PRR33: variants seen among roughly 807,000 people sequenced by gnomAD.
The protein encoded by PRR33 is proline-rich protein 33.
A neutral mutation model predicts 0.5 loss-of-function variants in PRR33; 1 was observed. The ratio of observed to expected loss-of-function variants is 2.18; its 90% confidence interval spans 0.77 to 10.34. The LOEUF is 10.34. Ranked by LOEUF, PRR33 falls within the 30% of genes most tolerant of loss-of-function variation. The pLI is 0.13. For synonymous variants in PRR33, 226 were observed against 110.0 expected, an observed-to-expected ratio of 2.06 and a Z score of -6.60; for missense variants, 552 against 251.8, an observed-to-expected ratio of 2.19 and a Z score of -8.07.
chr11:1,909,452 A>G, the PRR33 span, among the ~76,000 whole-genome samples: 1 of 151,764 alleles, frequency 6.6e-6, no homozygotes, highest in Non-Finnish European at 1.5e-5. Context: ...CTCTACTAAA[A>G]ATACAAAAAT....
At chr11:1,888,300 C>G (rs1183743110) in exon 1 of PRR33, among the ~76,000 whole-genome samples, 1 of 152,204 alleles carries the variant, frequency 6.6e-6, no homozygotes, top group Non-Finnish European at 1.5e-5. Flanking sequence ...GGCCCCTCCA[C>G]TCTCCCCACC....
chr11:1,908,447 CAA>C, the PRR33 span, among the ~76,000 whole-genome samples: 5 of 150,934 alleles, frequency 3.3e-5, no homozygotes, highest in East Asian at 9.7e-4. Context: ...TTTGTTTTTT[CAA>C]AAGTTTTTTT....
At chr11:1,917,429 A>T in the PRR33 span, among the ~76,000 whole-genome samples, 48 of 152,206 alleles carry the variant, frequency 3.2e-4, 2 homozygotes, top group East Asian at 8.7e-3. Context: ...CCAATTTCAG[A>T]ACCCCCCCAT....
the PRR33 span, among the ~76,000 whole-genome samples, chr11:1,904,620 G>T: frequency 2.0e-5 from 3 of 151,734 alleles, no homozygotes; most frequent in Admixed American, 6.6e-5. Flanking sequence ...GGCTGAGGCA[G>T]GTGGATCACT....
At chr11:1,915,033 G>A in the PRR33 span, among the ~76,000 whole-genome samples, 7 of 143,982 alleles carry the variant, frequency 4.9e-5, no homozygotes, top group South Asian at 2.3e-4. Flanking sequence ...GGGGACACAC[G>A]GATGATGTTT....
At chr11:1,914,853 C>CTGTGTGTG in the PRR33 span, among the ~76,000 whole-genome samples, 267 of 125,470 alleles carry the variant, frequency 2.1e-3, 2 homozygotes, top group East Asian at 0.015. Flanking sequence ...GGAGATGTTT[C>CTGTGTGTG]TGTGTGTGTG....
the PRR33 span, among the ~76,000 whole-genome samples, chr11:1,913,369 A>G: frequency 6.7e-6 from 1 of 149,822 alleles, no homozygotes; most frequent in Non-Finnish European, 1.5e-5. Flanking sequence ...GCTGGTCTCG[A>G]ACTCCTGACC....
At chr11:1,897,656 G>T in the PRR33 span, among the ~76,000 whole-genome samples, 1 of 152,154 alleles carries the variant, frequency 6.6e-6, no homozygotes, top group Non-Finnish European at 1.5e-5. This position sits in a 1 kb window ranked among gnomAD's most constrained non-coding sequence, Gnocchi z 4.0. Context: ...GGAAAGTGTA[G>T]CCAAGCCTTA....
the PRR33 span, among the ~76,000 whole-genome samples, chr11:1,913,465 A>G: frequency 1.3e-5 from 2 of 152,106 alleles, no homozygotes; most frequent in Non-Finnish European, 2.9e-5. Flanking sequence ...TGATATAAGC[A>G]TCCAGGCCTC....
At chr11:1,902,176 G>A in the PRR33 span, among the ~76,000 whole-genome samples, 1 of 151,222 alleles carries the variant, frequency 6.6e-6, no homozygotes, top group South Asian at 2.1e-4. Flanking sequence ...AGCTTGCAGT[G>A]AGCAGAGATC....
chr11:1,894,624 C>A (rs560392873), upstream of PRR33, among the ~76,000 whole-genome samples: 1 of 152,252 alleles, frequency 6.6e-6, no homozygotes, highest in Admixed American at 6.5e-5. Context: ...CATAACTATT[C>A]TGAGATCCAT....
the PRR33 span, among the ~76,000 whole-genome samples, chr11:1,910,602 G>A: frequency 1.3e-5 from 2 of 152,146 alleles, no homozygotes; most frequent in African/African-American, 2.4e-5. Flanking sequence ...CAATCAGGTG[G>A]TTCTTCGAAA....
chr11:1,910,685 G>T, the PRR33 span, among the ~76,000 whole-genome samples: 2 of 152,152 alleles, frequency 1.3e-5, no homozygotes, highest in South Asian at 2.1e-4. Flanking sequence ...CTCAATCAAC[G>T]ATCCCATCAA....
upstream of PRR33, among the ~76,000 whole-genome samples, chr11:1,893,001 G>A (rs1849061031): frequency 6.8e-6 from 1 of 147,452 alleles, no homozygotes; most frequent in Admixed American, 6.9e-5. Flanking sequence ...GTGGGTGGGT[G>A]GATGGATGGA....
the PRR33 span, among the ~76,000 whole-genome samples, chr11:1,903,766 T>G: frequency 4.6e-5 from 7 of 152,292 alleles, no homozygotes; most frequent in East Asian, 1.4e-3. Flanking sequence ...GGCTCTTAGA[T>G]CCTCGTGATC....
At chr11:1,911,315 G>C in the PRR33 span, among the ~76,000 whole-genome samples, 1 of 152,040 alleles carries the variant, frequency 6.6e-6, no homozygotes. Flanking sequence ...GGTGGTGGGC[G>C]CCTGTAATCC....
chr11:1,908,602 G>A, the PRR33 span, among the ~76,000 whole-genome samples: 1 of 152,018 alleles, frequency 6.6e-6, no homozygotes. Flanking sequence ...CTTCTAGCTG[G>A]TGGTTGTTGG....
the PRR33 span, among the ~76,000 whole-genome samples, chr11:1,898,266 G>A: frequency 1.9e-4 from 28 of 150,480 alleles, no homozygotes; most frequent in South Asian, 5.5e-3. Context: ...ACCGAGTCTC[G>A]CTCCGTCGGC....
chr11:1,908,447 C>T, the PRR33 span, among the ~76,000 whole-genome samples: 28 of 150,816 alleles, frequency 1.9e-4, no homozygotes, highest in Non-Finnish European at 2.2e-4. Context: ...TTTGTTTTTT[C>T]AAAAGTTTTT....
Sources: gnomAD v4.1 joint callset for allele counts (sites outside exome capture counted in the v4.1 genomes callset) on GRCh38, gnomAD v4.1.1 for gene constraint, Gnocchi (gnomAD v3.1) non-coding constraint, MANE v1.5 for transcripts, NCBI Gene and HGNC (gene_info 2026-07-23, HGNC 2026-07-21) for gene names.